The following EYS variants were observed in gnomAD, a reference collection of about 807,000 sequenced individuals.
The protein encoded by EYS is protein eyes shut homolog.
Under a neutral mutation model 282.1 loss-of-function variants are expected in EYS, and 250 were observed. The ratio of observed to expected loss-of-function variants is 0.89; its 90% confidence interval spans 0.80 to 0.98. The LOEUF (loss-of-function observed/expected upper bound fraction) is 0.98. EYS is among the 50% of genes least tolerant of loss of function. The pLI, the probability that EYS is intolerant of heterozygous loss-of-function variation, is 0.00. For synonymous variants in EYS, 1,355 were observed against 1,282.9 expected (o/e 1.06, Z -1.20); for missense variants, 4,016 against 3,709.0 (o/e 1.08, Z -2.15).
chr6:64,688,610 C>A (rs912705341), intron 22 of EYS, among the ~76,000 whole-genome samples: 8 of 152,082 alleles, frequency 5.3e-5, no homozygotes, highest in Non-Finnish European at 1.2e-4. Flanking sequence ...AATTTCTGTT[C>A]TTTTGCATTT....
intron 5 of EYS, among the ~76,000 whole-genome samples, chr6:65,432,966 T>G (rs1483244849): frequency 6.6e-6 from 1 of 152,076 alleles, no homozygotes; most frequent in African/African-American, 2.4e-5. Context: ...ACTGGGAAGA[T>G]AGACTGGTAA....
intron 2 of EYS, among the ~76,000 whole-genome samples, chr6:65,534,496 C>T (rs2127312707): frequency 6.6e-6 from 1 of 152,100 alleles, no homozygotes; most frequent in South Asian, 2.1e-4. Flanking sequence ...AGAGCTCTGA[C>T]CCACCTCTGC....
intron 2 of EYS, among the ~76,000 whole-genome samples, chr6:65,567,330 A>G (rs1014074459): frequency 2.0e-5 from 3 of 150,396 alleles, no homozygotes; most frequent in Admixed American, 6.7e-5. Context: ...GTTCTAACAG[A>G]TACATTTTCT....
At chr6:64,805,296 G>C (rs1764390648) in intron 22 of EYS, among the ~76,000 whole-genome samples, 1 of 151,944 alleles carries the variant, frequency 6.6e-6, no homozygotes, top group South Asian at 2.1e-4. Context: ...ATGCTGTTGA[G>C]CAAACACTAT....
At chr6:64,468,623 C>G (rs1646725415) in intron 26 of EYS, among the ~76,000 whole-genome samples, 1 of 152,104 alleles carries the variant, frequency 6.6e-6, no homozygotes, top group South Asian at 2.1e-4. Flanking sequence ...ACATACTACC[C>G]AATATGTATT....
intron 36 of EYS, among the ~76,000 whole-genome samples, chr6:63,808,410 A>G (rs1770959633): frequency 6.6e-6 from 1 of 152,226 alleles, no homozygotes; most frequent in Non-Finnish European, 1.5e-5. Context: ...GGCAATGATC[A>G]AAGTTGCTTT....
At chr6:64,017,160 A>G (rs1474268929) in intron 33 of EYS, among the ~76,000 whole-genome samples, 1 of 151,592 alleles carries the variant, frequency 6.6e-6, no homozygotes, top group Non-Finnish European at 1.5e-5. Context: ...CCCCACAAAC[A>G]CTCCTTTCTG....
chr6:65,444,539 G>A (rs1217659563), intron 5 of EYS, among the ~76,000 whole-genome samples: 2 of 151,992 alleles, frequency 1.3e-5, no homozygotes, highest in African/African-American at 4.8e-5. Context: ...AATCCTTTAA[G>A]GCACCTATAA....
At chr6:64,240,436 T>C (rs1766783251) in intron 30 of EYS, among the ~76,000 whole-genome samples, 1 of 152,180 alleles carries the variant, frequency 6.6e-6, no homozygotes, top group African/African-American at 2.4e-5. Flanking sequence ...CCTTGAGCAG[T>C]GGTTTGTAGT....
At chr6:64,659,988 T>A (rs1418729510) in intron 22 of EYS, among the ~76,000 whole-genome samples, 1 of 152,122 alleles carries the variant, frequency 6.6e-6, no homozygotes, top group Non-Finnish European at 1.5e-5. Context: ...AAATCCTCAA[T>A]AAAATACTGG....
chr6:63,876,336 A>G (rs1772969851), intron 35 of EYS, among the ~76,000 whole-genome samples: 1 of 152,266 alleles, frequency 6.6e-6, no homozygotes, highest in African/African-American at 2.4e-5. Flanking sequence ...GGTCTGAGAG[A>G]CAGTTTGTAA....
chr6:65,502,912 G>A (rs1009658811), intron 2 of EYS, among the ~76,000 whole-genome samples: 23 of 151,670 alleles, frequency 1.5e-4, no homozygotes, highest in African/African-American at 5.3e-4. Context: ...CACCATTAAT[G>A]TTAACCTTGA....
intron 31 of EYS, among the ~76,000 whole-genome samples, chr6:64,133,155 C>T (rs1009140279): frequency 3.3e-5 from 5 of 151,858 alleles, no homozygotes; most frequent in Admixed American, 3.3e-4. Flanking sequence ...AAAAAGGATA[C>T]AAATCTAATT....
At chr6:65,198,465 T>C (rs1344850679) in intron 12 of EYS, among the ~76,000 whole-genome samples, 1 of 152,142 alleles carries the variant, frequency 6.6e-6, no homozygotes, top group African/African-American at 2.4e-5. Context: ...GAATGGTATG[T>C]GTTACAATTT....
chr6:63,963,647 T>C (rs1444515918), intron 35 of EYS, among the ~76,000 whole-genome samples: 1 of 152,196 alleles, frequency 6.6e-6, no homozygotes, highest in Non-Finnish European at 1.5e-5. Flanking sequence ...ACTATGGGTT[T>C]TCATTTTTTT....
chr6:65,287,883 CA>C (rs1227454488), intron 12 of EYS, among the ~76,000 whole-genome samples: 1 of 151,052 alleles, frequency 6.6e-6, no homozygotes, highest in Non-Finnish European at 1.5e-5. Flanking sequence ...TATTACCTTT[CA>C]AAAAAGTTTC....
At chr6:65,054,833 C>T (rs2150156264) in intron 13 of EYS, among the ~76,000 whole-genome samples, 1 of 152,076 alleles carries the variant, frequency 6.6e-6, no homozygotes, top group African/African-American at 2.4e-5. Context: ...CACTATAATT[C>T]ATAGATTAAA....
At chr6:65,520,286 AAG>A (rs1228146463) in intron 2 of EYS, among the ~76,000 whole-genome samples, 1 of 152,174 alleles carries the variant, frequency 6.6e-6, no homozygotes, top group African/African-American at 2.4e-5. Context: ...ATATGATAAA[AAG>A]AAACTCAATT....
intron 31 of EYS, among the ~76,000 whole-genome samples, chr6:64,103,005 G>C (rs1309748144): frequency 2.0e-5 from 3 of 152,030 alleles, no homozygotes; most frequent in African/African-American, 7.2e-5. Context: ...TTACTTAACA[G>C]AGAACATTTG....
Sources: gnomAD v4.1 joint callset for allele counts (sites outside exome capture counted in the v4.1 genomes callset) on GRCh38, gnomAD v4.1.1 for gene constraint, MANE v1.5 for transcripts, NCBI Gene and HGNC (gene_info 2026-07-23, HGNC 2026-07-21) for gene names.